STAG1: variants seen among roughly 807,000 people sequenced by gnomAD.
STAG1 encodes STAG1 cohesin complex component, also known as cohesin subunit SA-1.
STAG1 carries 26 observed loss-of-function variants against 170.9 expected under a neutral mutation model. The ratio of observed to expected loss-of-function variants is 0.15; its 90% CI spans 0.11 to 0.21. STAG1 has a LOEUF of 0.21. Among genes scored for constraint, STAG1 ranks in the 10% least tolerant of loss-of-function variants. The probability of loss-of-function intolerance (pLI) is 1.00; values close to 1 mark genes in which losing one functional copy is unlikely to be tolerated. For synonymous variants in STAG1, 514 were observed against 497.7 expected (o/e 1.03, Z -0.44); for missense variants, 964 against 1,509.5 (o/e 0.64, Z 5.99).
intron 9 of STAG1, among the ~76,000 whole-genome samples, chr3:136,494,876 G>T (rs909196579): frequency 8.5e-5 from 13 of 152,110 alleles, no homozygotes; most frequent in African/African-American, 3.1e-4. Context: ...ATTCTATATT[G>T]TTAAGAGGTT....
intron 1 of STAG1, among the ~76,000 whole-genome samples, chr3:136,678,950 G>A (rs1280490): frequency 2.1e-5 from 3 of 140,438 alleles, no homozygotes; most frequent in South Asian, 2.2e-4. Flanking sequence ...GCAGTGGGGA[G>A]AGCAGGGCAA....
At chr3:136,568,688 C>T (rs1937163470) in intron 5 of STAG1, 77 bp downstream of exon 5, 1 of 926,402 alleles carries the variant, frequency 1.1e-6, no homozygotes, top group South Asian at 1.4e-5. Context: ...TTATATACGA[C>T]TAGTGGCAGG....
intron 22 of STAG1, among the ~76,000 whole-genome samples, chr3:136,395,438 C>T (rs1490800915): frequency 6.6e-6 from 1 of 152,018 alleles, no homozygotes; most frequent in Non-Finnish European, 1.5e-5. Flanking sequence ...GCCTGGCCAA[C>T]GTGGTGAAAC....
chr3:136,368,561 T>C (rs1024595227), intron 24 of STAG1, among the ~76,000 whole-genome samples: 2 of 152,194 alleles, frequency 1.3e-5, no homozygotes, highest in Non-Finnish European at 2.9e-5. Context: ...ACATACACAT[T>C]TGTACATGTG....
chr3:136,711,566 A>G (rs79665540), intron 1 of STAG1, among the ~76,000 whole-genome samples: 2 of 62,544 alleles, frequency 3.2e-5, no homozygotes, highest in African/African-American at 2.2e-4. Context: ...GTTTCAAGGA[A>G]AAAAAAAAAG....
chr3:136,697,058 G>C (rs1335968678), intron 1 of STAG1, among the ~76,000 whole-genome samples: 1 of 152,092 alleles, frequency 6.6e-6, no homozygotes, highest in Non-Finnish European at 1.5e-5. Context: ...AACATCTGTG[G>C]CGATATTCTT....
intron 1 of STAG1, among the ~76,000 whole-genome samples, chr3:136,723,733 G>C (rs1309981654): frequency 7.0e-6 from 1 of 142,896 alleles, no homozygotes; most frequent in African/African-American, 2.6e-5. Flanking sequence ...CACCTACTTG[G>C]AAGTGAGGAG....
intron 5 of STAG1, among the ~76,000 whole-genome samples, chr3:136,567,490 A>G (rs988879179): frequency 6.6e-6 from 1 of 152,074 alleles, no homozygotes; most frequent in Non-Finnish European, 1.5e-5. Flanking sequence ...CTCATCTTTA[A>G]TCTCACATCA....
intron 26 of STAG1, among the ~76,000 whole-genome samples, chr3:136,362,421 T>A (rs1005074639): frequency 4.6e-5 from 7 of 151,962 alleles, no homozygotes; most frequent in African/African-American, 7.2e-5. Flanking sequence ...ACTTTTTTTT[T>A]AACTTTGCTC....
At chr3:136,609,202 A>AGGGCAGG (rs1939129570) in intron 3 of STAG1, 1 of 152,840 alleles carries the variant, frequency 6.5e-6, no homozygotes, top group African/African-American at 2.4e-5. Flanking sequence ...AGGGCCAGGT[A>AGGGCAGG]CAGTGGCTCA....
chr3:136,419,563 G>A (rs1442614817), intron 20 of STAG1, among the ~76,000 whole-genome samples: 2 of 151,096 alleles, frequency 1.3e-5, no homozygotes, highest in Admixed American at 1.3e-4. Flanking sequence ...TCGTGCCATA[G>A]CCCCAAGAGT....
intron 21 of STAG1, among the ~76,000 whole-genome samples, chr3:136,410,714 C>T (rs2087602064): frequency 1.3e-5 from 2 of 152,198 alleles, no homozygotes; most frequent in African/African-American, 2.4e-5. Context: ...TGGCTCCCTC[C>T]TGTAATCTCA....
At chr3:136,422,740 C>G (rs1392443382) in intron 18 of STAG1, 28 bp downstream of exon 18, 1 of 1,552,656 alleles carries the variant, frequency 6.4e-7, no homozygotes, top group African/African-American at 1.4e-5. Flanking sequence ...ACTATAACAG[C>G]TGAATTTCAA....
At chr3:136,356,178 C>A (rs1560054302) in intron 28 of STAG1, among the ~76,000 whole-genome samples, 1 of 151,944 alleles carries the variant, frequency 6.6e-6, no homozygotes, top group African/African-American at 2.4e-5. Flanking sequence ...GTCGGAACCA[C>A]TGAGCCTGGC....
At chr3:136,467,015 G>A (rs2089482582) in intron 12 of STAG1, among the ~76,000 whole-genome samples, 1 of 152,126 alleles carries the variant, frequency 6.6e-6, no homozygotes, top group Non-Finnish European at 1.5e-5. Flanking sequence ...ACTAAACATG[G>A]AAAGGAACAA....
intron 7 of STAG1, among the ~76,000 whole-genome samples, chr3:136,516,757 T>C (rs1438740366): frequency 6.6e-6 from 1 of 152,240 alleles, no homozygotes; most frequent in Non-Finnish European, 1.5e-5. Context: ...TGCAGCTTAC[T>C]AAATGCCAAG....
intron 5 of STAG1, among the ~76,000 whole-genome samples, chr3:136,550,925 T>C (rs1352758585): frequency 6.6e-6 from 1 of 152,108 alleles, no homozygotes; most frequent in Non-Finnish European, 1.5e-5. Flanking sequence ...AGAGAGAAAT[T>C]GCCATCTTCA....
chr3:136,667,097 C>T (rs761986093), intron 1 of STAG1, among the ~76,000 whole-genome samples: 7 of 151,848 alleles, frequency 4.6e-5, no homozygotes, highest in South Asian at 2.1e-4. Context: ...ACTCAATAGG[C>T]GGTCTAAATA....
At chr3:136,464,775 AT>A in intron 13 of STAG1, 105 bp downstream of exon 13, 1 of 877,676 alleles carries the variant, frequency 1.1e-6, no homozygotes, top group Non-Finnish European at 1.7e-6. Flanking sequence ...TCAGATGGAC[AT>A]TTTCAGCACT....
Sources: gnomAD v4.1 joint callset for allele counts (sites outside exome capture counted in the v4.1 genomes callset) on GRCh38, gnomAD v4.1.1 for gene constraint, MANE v1.5 for transcripts, NCBI Gene and HGNC (gene_info 2026-07-23, HGNC 2026-07-21) for gene names.